WWOX: variants seen among roughly 807,000 people sequenced by gnomAD.
WWOX encodes the protein WW domain containing oxidoreductase.
WWOX carries 69 observed loss-of-function variants against 46.2 expected under a neutral mutation model. The observed-to-expected ratio is 1.49, with a 90% CI of 1.23 to 1.82. The LOEUF (loss-of-function observed/expected upper bound fraction) is 1.82, where lower values mean the gene tolerates loss of function less well. Ranked by LOEUF, WWOX falls within the 40% of genes most tolerant of loss-of-function variation. The probability of loss-of-function intolerance (pLI) is 0.00; values close to 1 mark genes in which losing one functional copy is unlikely to be tolerated. For missense variants in WWOX, 919 were observed against 542.6 expected (o/e 1.69, Z -6.89); for synonymous variants, 359 against 202.6 (o/e 1.77, Z -6.56).
chr16:79,057,963 G>C (rs925882429), intron 8 of WWOX, among the ~76,000 whole-genome samples: 3 of 152,080 alleles, frequency 2.0e-5, no homozygotes, highest in African/African-American at 7.2e-5. Flanking sequence ...ATCGCTGTTT[G>C]CTTCTTCTCG....
At chr16:78,874,659 GTGTC>G (rs1567618749) in intron 8 of WWOX, among the ~76,000 whole-genome samples, 1 of 145,732 alleles carries the variant, frequency 6.9e-6, no homozygotes, top group East Asian at 2.0e-4. Flanking sequence ...ACCTTCAACT[GTGTC>G]TGTGACCAGA....
At chr16:79,140,421 T>G (rs2050067356) in intron 8 of WWOX, among the ~76,000 whole-genome samples, 1 of 152,208 alleles carries the variant, frequency 6.6e-6, no homozygotes, top group Non-Finnish European at 1.5e-5. Context: ...TTGCTGATGG[T>G]GAGTTTTTAG....
intron 8 of WWOX, among the ~76,000 whole-genome samples, chr16:79,091,775 C>CTTTTTT (rs771753213): frequency 2.1e-3 from 269 of 126,726 alleles, no homozygotes; most frequent in Non-Finnish European, 3.2e-3. Flanking sequence ...CTTTTCTTTT[C>CTTTTTT]TTTGTTTTTT....
intron 8 of WWOX, among the ~76,000 whole-genome samples, chr16:78,470,243 A>G (rs1314469663): frequency 2.0e-5 from 3 of 152,186 alleles, no homozygotes; most frequent in African/African-American, 7.2e-5. Flanking sequence ...TTTAAGGATG[A>G]GGCCTGGGAG....
intron 8 of WWOX, among the ~76,000 whole-genome samples, chr16:78,905,164 C>A (rs529461129): frequency 6.6e-6 from 1 of 152,068 alleles, no homozygotes; most frequent in Non-Finnish European, 1.5e-5. Context: ...GGGTTATACC[C>A]CTGGACACCA....
intron 8 of WWOX, among the ~76,000 whole-genome samples, chr16:78,516,925 C>A (rs1398421249): frequency 5.3e-5 from 8 of 152,144 alleles, no homozygotes; most frequent in Non-Finnish European, 1.5e-5. Context: ...ATTGGTGTTA[C>A]CTCATGTCTG....
chr16:79,033,420 T>C (rs1380984430), intron 8 of WWOX, among the ~76,000 whole-genome samples: 1 of 151,574 alleles, frequency 6.6e-6, no homozygotes, highest in East Asian at 1.9e-4. Context: ...TGCATAGTAT[T>C]CCATGGTGTA....
intron 8 of WWOX, among the ~76,000 whole-genome samples, chr16:79,129,541 A>G (rs74034995): frequency 0.034 from 5,231 of 151,680 alleles, 328 homozygotes; most frequent in African/African-American, 0.12. Flanking sequence ...ATTCCGAAAG[A>G]CTGCTGTATT....
chr16:78,332,308 A>G (rs948200317), intron 5 of WWOX, among the ~76,000 whole-genome samples: 4 of 152,182 alleles, frequency 2.6e-5, no homozygotes, highest in Middle Eastern at 3.2e-3. Flanking sequence ...TTCCCAGAGA[A>G]TTATTTGACT....
chr16:78,807,794 A>C (rs1358361121), intron 8 of WWOX, among the ~76,000 whole-genome samples: 1 of 152,224 alleles, frequency 6.6e-6, no homozygotes, highest in East Asian at 1.9e-4. Context: ...GCCATTAGCC[A>C]CATGTGGCTA....
intron 8 of WWOX, among the ~76,000 whole-genome samples, chr16:78,718,197 G>C (rs536137128): frequency 1.4e-5 from 2 of 140,572 alleles, no homozygotes; most frequent in East Asian, 4.1e-4. Context: ...TTATTGGTTT[G>C]GGTACTTAAT....
intron 8 of WWOX, among the ~76,000 whole-genome samples, chr16:78,796,974 A>T (rs1369931943): frequency 6.6e-6 from 1 of 151,852 alleles, no homozygotes; most frequent in African/African-American, 2.4e-5. Flanking sequence ...TATAGGCATG[A>T]GCCACCATGC....
chr16:78,125,379 A>C lies in WWOX; in HGVS notation c.409+10225A>C, dbSNP rs2151689497. Among the ~76,000 whole-genome samples the C allele has an allele frequency of 1.3e-5, 2 of 152,254 alleles. 1 individual carries two copies. Among genetic ancestry groups the C allele is most frequent in the African/African-American group, 4.8e-5 (2 of 41,534 alleles). ...ATGCCACCATCCTGTTGGGAGGAAT[A>C]ACAGCACACTCCTGAATGAGCTCTT... On this transcript the variant is annotated intron_variant, in intron 4 of 8. Transcript: ENST00000566780.
chr16:78,440,719 A>G lies in WWOX; in HGVS notation c.1056+7967A>G, dbSNP rs190761194. 2.0e-5 allele frequency among the ~76,000 whole-genome samples: 3 copies of G among 151,888 alleles called. No individual in the cohort carries two copies. In the East Asian group the frequency reaches 5.8e-4, roughly 30 times the overall value. On this transcript the variant is annotated intron_variant, in intron 8 of 8. Coordinates refer to ENST00000566780, the MANE Select transcript of WWOX (RefSeq NM_016373.4). The stretch of plus-strand genomic sequence containing the variant: ...GCAACCTCCGCGCCTCCCCAGTTCA[A>G]GCAATTCTCCTGCCTCAGCCTCCCA...
chr16:78,392,421 G>C (rs1041938663), intron 6 of WWOX, among the ~76,000 whole-genome samples: 1 of 152,058 alleles, frequency 6.6e-6, no homozygotes, highest in East Asian at 1.9e-4. Flanking sequence ...GTACATTATG[G>C]TGAGTTGGAT....
chr16:79,108,828 G>T (rs750800844), intron 8 of WWOX, among the ~76,000 whole-genome samples: 9 of 152,030 alleles, frequency 5.9e-5, no homozygotes, highest in Non-Finnish European at 8.8e-5. Context: ...TTGAGTCCTG[G>T]AGGTCGAGAC....
chr16:79,025,608 C>T (rs1359042112), intron 8 of WWOX, among the ~76,000 whole-genome samples: 1 of 152,126 alleles, frequency 6.6e-6, no homozygotes, highest in Non-Finnish European at 1.5e-5. Flanking sequence ...CCAGAAGGAA[C>T]TAAGCCTTCT....
intron 8 of WWOX, among the ~76,000 whole-genome samples, chr16:78,531,927 T>C (rs1305903396): frequency 6.6e-6 from 1 of 152,150 alleles, no homozygotes; most frequent in African/African-American, 2.4e-5. Context: ...TTTCAGTCTC[T>C]TTCTCCCTTT....
At chr16:78,593,951 T>G (rs1306865959) in intron 8 of WWOX, among the ~76,000 whole-genome samples, 1 of 152,194 alleles carries the variant, frequency 6.6e-6, no homozygotes, top group East Asian at 1.9e-4. Flanking sequence ...AGTTTGCGTC[T>G]TTGTCCCACT....
Sources: allele counts gnomAD v4.1 joint callset (sites outside exome capture counted in the v4.1 genomes callset), GRCh38; gene constraint gnomAD v4.1.1; transcripts MANE v1.5; gene names NCBI Gene and HGNC (gene_info 2026-07-23, HGNC 2026-07-21).